CAMTA2: variants seen among roughly 807,000 people sequenced by gnomAD.
The protein encoded by CAMTA2 is calmodulin-binding transcription activator 2.
CAMTA2 carries 56 observed loss-of-function variants against 135.7 expected under a neutral mutation model. That is an observed-to-expected ratio of 0.41 (90% confidence interval 0.33 to 0.52). The LOEUF (loss-of-function observed/expected upper bound fraction) is 0.52, where lower values mean the gene tolerates loss of function less well. Among genes scored for constraint, CAMTA2 ranks in the 20% least tolerant of loss-of-function variants. CAMTA2 has a pLI of 0.16. For missense variants in CAMTA2, 1,358 were observed against 1,553.4 expected, an observed-to-expected ratio of 0.87 and a Z score of 2.11; for synonymous variants, 591 against 604.6, an observed-to-expected ratio of 0.98 and a Z score of 0.33.
intron 1 of CAMTA2, chr17:4,987,108 T>TG (rs1219012731): frequency 1.5e-6 from 2 of 1,369,938 alleles, no homozygotes; most frequent in Non-Finnish European, 1.9e-6. Context: ...AAGCTGGGGT[T>TG]GGGGTAAGGA....
intron 5 of CAMTA2, 108 bp from the exon 6 acceptor site, chr17:4,982,268 C>T: frequency 1.2e-6 from 1 of 833,520 alleles, no homozygotes; most frequent in Non-Finnish European, 2.1e-6. Flanking sequence ...TCCTCTTCAA[C>T]CCTTCCCCCA....
intron 11 of CAMTA2, 103 bp from the exon 12 acceptor site, chr17:4,974,603 A>G: frequency 1.4e-6 from 1 of 709,882 alleles, no homozygotes; most frequent in South Asian, 1.6e-5. Context: ...ACACAGAACC[A>G]TATTCTTTTA....
rs1567684872 is a variant in CAMTA2, at chr17:4,972,229, T to TA, written c.2808+2dup. On this transcript the variant is annotated splice_region_variant and intron_variant, in intron 16 of 22. Coordinates refer to ENST00000348066, the MANE Select transcript of CAMTA2 (RefSeq NM_015099.4). ...CCCATAACTCCATCAATATAAGCAG[T>TA]ACCGGGATCACATCCACAGCCTGTG... The TA allele has an allele frequency of 1.2e-6, 2 of 1,612,304 alleles. No individual in the cohort carries two copies. Among genetic ancestry groups the TA allele is most frequent in the Non-Finnish European group, 1.7e-6 (2 of 1,178,714 alleles).
rs1027858513 is a variant in CAMTA2 at position 4,974,234 on chromosome 17, G to T, written c.2016+151C>A. Reference sequence around the variant, plus strand: ...ATAGCCACTCTTGCCACAAGGTGGGGATGGGAACAGGGTGACGTCAGGGAG... The same window carrying T: ...ATAGCCACTCTTGCCACAAGGTGGGTATGGGAACAGGGTGACGTCAGGGAG... On this transcript the variant is annotated intron_variant, in intron 12 of 22. Transcript: ENST00000348066. The T allele has an allele frequency of 6.5e-6, 4 of 615,814 alleles. No individual in the cohort carries two copies. In the South Asian group the frequency reaches 7.5e-5, roughly 11 times the overall value. 38.1% of individuals were successfully genotyped at this position (615,814 alleles called of 1,614,324 possible). A position where few individuals can be genotyped will look rare whatever the true frequency, so the allele number is the denominator to read the frequency against.
intron 10 of CAMTA2, 28 bp from the exon 11 acceptor site, chr17:4,977,220 GCT>G (rs1428532637): frequency 5.0e-6 from 8 of 1,606,218 alleles, no homozygotes; most frequent in South Asian, 1.1e-5. Flanking sequence ...AGCGAGAAGG[GCT>G]CTCTTTCCCT....
chr17:4,977,313 A>AG (rs1193467086), intron 10 of CAMTA2, 121 bp from the exon 11 acceptor site: 2 of 1,295,820 alleles, frequency 1.5e-6, no homozygotes, highest in Admixed American at 5.0e-5. Context: ...GTGGGCCAAG[A>AG]GGCCCCTGGC....
chr17:4,968,442 G>A lies in CAMTA2; in HGVS notation c.*314C>T, dbSNP rs1972042560. ...ACAAATAAATAAGGCAAGTCAGGAG[G>A]GGGCCGAGTCGGGTGCAGGCAGGAG... On this transcript the variant is annotated 3_prime_UTR_variant, in exon 23 of 23. Coordinates refer to ENST00000348066, the MANE Select transcript of CAMTA2 (RefSeq NM_015099.4). The A allele has an allele frequency of 3.9e-6, 2 of 510,430 alleles. No homozygotes were observed. Among genetic ancestry groups the A allele is most frequent in the African/African-American group, 1.9e-5 (1 of 52,010 alleles). The allele number at this position is 510,430 out of a possible 1,614,324, so 31.6% of individuals were successfully genotyped here.
chr17:4,976,486 G>A (rs2151177946), intron 11 of CAMTA2, among the ~76,000 whole-genome samples: 1 of 152,206 alleles, frequency 6.6e-6, no homozygotes, highest in Admixed American at 6.5e-5. Context: ...GATTGCTTGA[G>A]GTCAGGAGTT....
At chr17:4,975,068 C>G (rs1173807854) in intron 11 of CAMTA2, among the ~76,000 whole-genome samples, 1 of 152,072 alleles carries the variant, frequency 6.6e-6, no homozygotes, top group Non-Finnish European at 1.5e-5. Flanking sequence ...GTCCATTTCT[C>G]CTCCTCCTCC....
chr17:4,977,286 T>C, intron 10 of CAMTA2, 94 bp from the exon 11 acceptor site: 1 of 1,490,212 alleles, frequency 6.7e-7, no homozygotes, highest in Non-Finnish European at 9.1e-7. Context: ...CATAGTTATT[T>C]CCCCTACTGC....
At chr17:4,983,126 A>T (rs1424334553) in intron 3 of CAMTA2, 83 bp from the exon 4 acceptor site, 5 of 1,190,112 alleles carry the variant, frequency 4.2e-6, no homozygotes, top group Non-Finnish European at 6.3e-6. Context: ...TCAGTGTCTC[A>T]CTCTCTGCTG....
chr17:4,975,126 C>A (rs1972535272), intron 11 of CAMTA2, among the ~76,000 whole-genome samples: 1 of 152,124 alleles, frequency 6.6e-6, no homozygotes, highest in Non-Finnish European at 1.5e-5. Flanking sequence ...TCCCCCCAAG[C>A]TATATCTGTC....
In CAMTA2 at chr17:4,979,793, A is replaced by G. The variant is rs377223149; in HGVS notation, c.1529T>C (p.Met510Thr). ...PFSLSSFPDLMGELISDEAPS... is the reference protein window; with the variant it reads ...PFSLSSFPDLTGELISDEAPS... ...AGCTTCGTCACTGATGAGTTCTCCCATAAGGTCTGGGAATGATGAAAGACT... is the reference window on the plus strand; with the variant it reads ...AGCTTCGTCACTGATGAGTTCTCCCGTAAGGTCTGGGAATGATGAAAGACT... Residue 510 changes from methionine to threonine, a missense_variant, in exon 9 of 23, where the codon ATG becomes ACG. Around this residue, in one of 4 missense-constraint regions of CAMTA2, gnomAD observed 1,077 missense variants for 1,127.5 expected, o/e 0.96. Transcript: ENST00000348066. 4 of 1,613,998 alleles carry G rather than the reference A, an allele frequency of 2.5e-6. No homozygotes were observed. Among genetic ancestry groups the G allele is most frequent in the South Asian group, 1.1e-5 (1 of 91,074 alleles).
At position 4,985,960 on chromosome 17, in the gene CAMTA2, A is replaced by C; in HGVS notation, c.55T>G (p.Phe19Val). 6.2e-7 allele frequency: 1 copy of C among 1,613,832 alleles called. No individual in the cohort carries two copies. The highest frequency in any genetic ancestry group is 1.7e-5 in the Admixed American group (1 of 60,004). The change falls in exon 3 of 23, where the codon TTT becomes GTT. Residue 19 changes from phenylalanine to valine, a missense_variant. Around this residue, in one of 4 missense-constraint regions of CAMTA2, gnomAD observed 105 missense variants for 190.9 expected, o/e 0.55. Transcript: ENST00000348066. ...VAENSHHLKI[F>V]LPKKLLECLP... ...CACTCCAGCAGCTTCTTGGGGAGAAAGATCTTCAGGTGGTGGCTGTTTTCT... is the reference window on the plus strand; with the variant it reads ...CACTCCAGCAGCTTCTTGGGGAGAACGATCTTCAGGTGGTGGCTGTTTTCT...
Position 4,968,997 on chromosome 17 carries a change from A to G in CAMTA2, c.3471-16T>C, listed in dbSNP as rs1597721458. 1 of 1,613,466 alleles carries G rather than the reference A, an allele frequency of 6.2e-7. No homozygotes were observed. The highest frequency in any genetic ancestry group is 1.1e-5 in the South Asian group (1 of 91,040). ...AAAGGAGCCTCTGGTGAAAGAAACA[A>G]AAGATGGACCTCACAGAAGGCATCG... is the stretch of plus-strand genomic sequence containing the variant. On this transcript the variant is annotated splice_polypyrimidine_tract_variant and intron_variant, in intron 21 of 22. Coordinates refer to ENST00000348066, the MANE Select transcript of CAMTA2 (RefSeq NM_015099.4).
In CAMTA2 at chr17:4,978,504, C is replaced by T. The variant is rs760453074; in HGVS notation, c.1765G>A (p.Ala589Thr). 3.1e-6 allele frequency: 5 copies of T among 1,613,706 alleles called. No individual in the cohort carries two copies. Among genetic ancestry groups the T allele is most frequent in the East Asian group, 2.2e-5 (1 of 44,882 alleles). The change falls in exon 10 of 23, where the codon GCC becomes ACC. Residue 589 changes from alanine (A) to threonine (T), a missense_variant and splice_region_variant. Ala to Thr is a moderately conservative substitution (Grantham distance 58, BLOSUM62 0). Transcript: ENST00000348066. ...QPGVLRCYCPAHEVGLVSLQV... is the reference protein window; with the variant it reads ...QPGVLRCYCPTHEVGLVSLQV... ...CCCCTACGGTTCCCAATCCTCATACCGGGACAGTAGCAGCGTAAGACACCA... is the reference window on the plus strand; with the variant it reads ...CCCCTACGGTTCCCAATCCTCATACTGGGACAGTAGCAGCGTAAGACACCA...
rs1021356115 is a variant in CAMTA2, at chr17:4,968,525, G to A, written c.*231C>T. The A allele has an allele frequency of 3.3e-6, 2 of 597,198 alleles. No individual in the cohort carries two copies. The highest frequency in any genetic ancestry group is 1.9e-5 in the African/African-American group (1 of 53,814). The allele number at this position is 597,198 out of a possible 1,614,324, so 37.0% of individuals were successfully genotyped here. Reference sequence around the variant, plus strand: ...AGGTCACAGCGGAAGATGCAGGTATGTGGGGCGCGGGTTTTCTGGAGCCAG... The same window carrying A: ...AGGTCACAGCGGAAGATGCAGGTATATGGGGCGCGGGTTTTCTGGAGCCAG... On this transcript the variant is annotated 3_prime_UTR_variant, in exon 23 of 23. Transcript: ENST00000348066.
chr17:4,977,040 A>T lies in CAMTA2; in HGVS notation c.1900+18T>A. On this transcript the variant is annotated intron_variant, in intron 11 of 22. Coordinates refer to ENST00000348066, the MANE Select transcript of CAMTA2 (RefSeq NM_015099.4). ...GGCTGTGGGCTGGATACTTGGGTTC[A>T]GAGGGCTGGGTACTCACCGTCCAGT... The T allele has an allele frequency of 1.9e-6, 3 of 1,613,774 alleles. No individual in the cohort carries two copies. Among genetic ancestry groups the T allele is most frequent in the Non-Finnish European group, 2.5e-6 (3 of 1,179,756 alleles).
intron 12 of CAMTA2, 41 bp downstream of exon 12, chr17:4,974,344 C>T (rs753848965): frequency 3.1e-6 from 4 of 1,295,080 alleles, no homozygotes; most frequent in South Asian, 2.4e-5. Flanking sequence ...TGTCCTCCCC[C>T]TGCTCCCCAC....
Sources: allele counts gnomAD v4.1 joint callset (sites outside exome capture counted in the v4.1 genomes callset), GRCh38; gene constraint gnomAD v4.1.1; regional missense constraint gnomAD v4.1.1; transcripts MANE v1.5; gene names NCBI Gene and HGNC (gene_info 2026-07-23, HGNC 2026-07-21).